ABAT: variants seen among roughly 807,000 people sequenced by gnomAD.
ABAT encodes 4-aminobutyrate aminotransferase.
A neutral mutation model predicts 64.6 loss-of-function variants in ABAT; 45 were observed. That is an observed-to-expected ratio of 0.70 (90% CI 0.55 to 0.89). ABAT has a LOEUF of 0.89. ABAT is among the 40% of genes least tolerant of loss of function. ABAT has a pLI of 0.00. For synonymous variants in ABAT, 297 were observed against 250.5 expected, an observed-to-expected ratio of 1.19 and a Z score of -1.75; for missense variants, 633 against 658.4, an observed-to-expected ratio of 0.96 and a Z score of 0.42.
intron 12 of ABAT, 26 bp from the exon 13 acceptor site, chr16:8,774,864 C>G: frequency 6.2e-7 from 1 of 1,612,670 alleles, no homozygotes. Flanking sequence ...GTGTTTATTT[C>G]TCCCTCCTCT....
intron 6 of ABAT, among the ~76,000 whole-genome samples, chr16:8,763,819 G>A (rs1222357560): frequency 1.3e-5 from 2 of 152,218 alleles, no homozygotes; most frequent in Non-Finnish European, 2.9e-5. Flanking sequence ...AGCGGCAGTA[G>A]CATCCTATAT....
intron 1 of ABAT, among the ~76,000 whole-genome samples, chr16:8,721,706 C>G (rs1053248218): frequency 1.3e-5 from 2 of 152,210 alleles, no homozygotes; most frequent in African/African-American, 4.8e-5. Flanking sequence ...TTCTCCAGAG[C>G]AAATTGGAAG....
At chr16:8,732,698 G>T (rs112436462) in intron 1 of ABAT, among the ~76,000 whole-genome samples, 1 of 150,232 alleles carries the variant, frequency 6.7e-6, no homozygotes, top group South Asian at 2.1e-4. Flanking sequence ...CCACAAAACC[G>T]CCATTGTCAT....
At chr16:8,751,842 G>A (rs140067682) in intron 5 of ABAT, among the ~76,000 whole-genome samples, 49 of 152,300 alleles carry the variant, frequency 3.2e-4, no homozygotes, top group African/African-American at 7.2e-4. Flanking sequence ...GTGTTCACTC[G>A]CTGTATAAAA....
intron 5 of ABAT, among the ~76,000 whole-genome samples, chr16:8,751,157 C>G (rs2059469803): frequency 6.6e-6 from 1 of 151,992 alleles, no homozygotes; most frequent in African/African-American, 2.4e-5. Flanking sequence ...CCATGTTGGC[C>G]AGGGTAGTCT....
intron 2 of ABAT, chr16:8,737,513 A>T (rs922213855): frequency 6.6e-6 from 1 of 151,376 alleles, no homozygotes; most frequent in African/African-American, 2.4e-5. Flanking sequence ...CTTATTTTTT[A>T]AAAATTTTAG....
intron 3 of ABAT, among the ~76,000 whole-genome samples, chr16:8,746,573 G>T (rs1209657083): frequency 1.3e-5 from 2 of 150,266 alleles, no homozygotes; most frequent in African/African-American, 4.9e-5. Context: ...TAGAGACAGG[G>T]TTTCACTATG....
chr16:8,773,059 G>T (rs1567315590), intron 12 of ABAT, 142 bp downstream of exon 12: 2 of 1,091,998 alleles, frequency 1.8e-6, no homozygotes, highest in Non-Finnish European at 2.7e-6. Context: ...ATCAGGGGTG[G>T]AGAAGTTGGG....
chr16:8,778,154 A>G (rs751297636), intron 14 of ABAT, among the ~76,000 whole-genome samples: 2 of 152,118 alleles, frequency 1.3e-5, no homozygotes, highest in Non-Finnish European at 2.9e-5. Flanking sequence ...AGCAGAGAGT[A>G]AGGTGAAATC....
intron 1 of ABAT, among the ~76,000 whole-genome samples, chr16:8,717,556 T>C (rs1229654831): frequency 6.6e-6 from 1 of 152,146 alleles, no homozygotes; most frequent in Non-Finnish European, 1.5e-5. Context: ...GTGCAGTGAA[T>C]TGATTTCTAA....
Position 8,776,728 on chromosome 16 carries a change from G to T in ABAT, c.1269+238G>T, listed in dbSNP as rs192215353. Among the ~76,000 whole-genome samples the T allele has an allele frequency of 2.2e-3, 333 of 151,894 alleles. No individual in the cohort carries two copies. Among genetic ancestry groups the T allele is most frequent in the Middle Eastern group, 3.4e-3 (1 of 294 alleles). The stretch of plus-strand genomic sequence containing the variant: ...TGAACTCCTGGTTTTCTTTGTTGTT[G>T]TTTTTTTTAATTTATTTTTTATTTT... On this transcript the variant is annotated intron_variant, in intron 14 of 15. Transcript: ENST00000268251. This position sits in a 1 kb window ranked among gnomAD's most constrained non-coding sequence, Gnocchi z 4.4.
chr16:8,723,718 A>T (rs904071477), intron 1 of ABAT, among the ~76,000 whole-genome samples: 2 of 151,106 alleles, frequency 1.3e-5, no homozygotes, highest in Non-Finnish European at 2.9e-5. Context: ...TCCAATCTAC[A>T]AATCAGGAAA....
chr16:8,752,368 C>T (rs1461686373), intron 5 of ABAT, among the ~76,000 whole-genome samples: 1 of 152,166 alleles, frequency 6.6e-6, no homozygotes, highest in Non-Finnish European at 1.5e-5. Context: ...AGCTGTGGGA[C>T]TGTGACCCAC....
At chr16:8,757,617 G>A in intron 5 of ABAT, 140 bp from the exon 6 acceptor site, 1 of 954,400 alleles carries the variant, frequency 1.0e-6, no homozygotes, top group Non-Finnish European at 1.6e-6. Context: ...ATCTCTTTTT[G>A]TCAACAAAGG....
intron 1 of ABAT, among the ~76,000 whole-genome samples, chr16:8,707,020 A>C (rs1263093780): frequency 1.3e-5 from 2 of 152,114 alleles, no homozygotes; most frequent in Non-Finnish European, 2.9e-5. Context: ...CAGTACTCAG[A>C]AAAGAGATGC....
chr16:8,688,291 C>T (rs1244773635), intron 1 of ABAT, among the ~76,000 whole-genome samples: 1 of 152,144 alleles, frequency 6.6e-6, no homozygotes, highest in Non-Finnish European at 1.5e-5. Flanking sequence ...AGGTCTTCTT[C>T]TTTTAAGCTT....
chr16:8,763,421 C>G (rs989668978), intron 6 of ABAT, among the ~76,000 whole-genome samples: 5 of 152,208 alleles, frequency 3.3e-5, no homozygotes, highest in African/African-American at 1.2e-4. Flanking sequence ...TCTAGCAGCA[C>G]AAGTCAAGTC....
intron 5 of ABAT, 73 bp from the exon 6 acceptor site, chr16:8,757,684 G>A (rs573746772): frequency 3.5e-6 from 5 of 1,448,350 alleles, no homozygotes; most frequent in East Asian, 2.3e-5. Context: ...AAGGGAGAGG[G>A]AAGGAGAGGT....
chr16:8,734,208 C>G (rs2058844562), intron 1 of ABAT, among the ~76,000 whole-genome samples: 1 of 152,186 alleles, frequency 6.6e-6, no homozygotes, highest in African/African-American at 2.4e-5. Context: ...AATCATGCTC[C>G]TAGCACCTTT....
Sources: allele counts gnomAD v4.1 joint callset (sites outside exome capture counted in the v4.1 genomes callset), GRCh38; gene constraint gnomAD v4.1.1; non-coding constraint Gnocchi (gnomAD v3.1); transcripts MANE v1.5; gene names NCBI Gene and HGNC (gene_info 2026-07-23, HGNC 2026-07-21).